The following NDUFS7 variants were observed in gnomAD, a reference collection of about 807,000 sequenced individuals.
NDUFS7 encodes NADH dehydrogenase [ubiquinone] iron-sulfur protein 7, mitochondrial.
NDUFS7 carries 11 observed loss-of-function variants against 31.1 expected under a neutral mutation model. The observed-to-expected ratio is 0.35, with a 90% confidence interval of 0.22 to 0.59. The LOEUF (loss-of-function observed/expected upper bound fraction) is 0.59. Ranked by LOEUF, NDUFS7 falls within the 20% of genes least tolerant of loss-of-function variation. NDUFS7 has a pLI of 0.79. For synonymous variants in NDUFS7, 136 were observed against 127.9 expected (o/e 1.06, Z -0.43); for missense variants, 263 against 324.2 (o/e 0.81, Z 1.45).
intron 1 of NDUFS7, 75 bp downstream of exon 1, chr19:1,384,017 G>A (rs2082491456): frequency 1.4e-6 from 2 of 1,474,422 alleles, no homozygotes; most frequent in South Asian, 2.6e-5. Flanking sequence ...TCGTGGTGGC[G>A]TCGGGGGTCG....
chr19:1,388,338 G>A lies in NDUFS7; in HGVS notation c.54-187G>A, dbSNP rs1407242037. On this transcript the variant is annotated intron_variant, in intron 2 of 7. Transcript: ENST00000233627. Reference sequence around the variant, plus strand: ...CAAAAGAAGTTCCATTCAAGTCTGGGCCATCATTGGGGGTCGGGGCGATGG... The same window carrying A: ...CAAAAGAAGTTCCATTCAAGTCTGGACCATCATTGGGGGTCGGGGCGATGG... The A allele has an allele frequency of 1.1e-4, 69 of 641,966 alleles. No individual in the cohort carries two copies. In the Admixed American group the frequency reaches 1.6e-3, roughly 14 times the overall value. The allele number at this position is 641,966 out of a possible 1,614,324, so 39.8% of individuals were successfully genotyped here.
In NDUFS7 at chr19:1,388,560, T is replaced by C. The variant is rs757187081; in HGVS notation, c.89T>C (p.Val30Ala). 1.2e-5 allele frequency: 19 copies of C among 1,611,946 alleles called. No individual in the cohort carries two copies. The highest frequency in any genetic ancestry group is 1.6e-5 in the Non-Finnish European group (19 of 1,179,892). The part of the protein sequence containing the change: ...SVGPAVQARG[V>A]HQSVATDGPS... The stretch of plus-strand genomic sequence containing the variant: ...GGCCCGGCTGTGCAGGCACGAGGTG[T>C]CCATCAGAGCGTGGCCACCGATGGC... The change falls in exon 3 of 8, where the codon GTC (valine) becomes GCC (alanine). Residue 30 changes from valine (V) to alanine (A), a missense_variant. Transcript: ENST00000233627.
chr19:1,393,460 C>G lies in NDUFS7; in HGVS notation c.544+130C>G. On this transcript the variant is annotated intron_variant, in intron 7 of 7. Coordinates refer to ENST00000233627, the MANE Select transcript of NDUFS7 (RefSeq NM_024407.5). This position sits in a 1 kb window ranked among gnomAD's most constrained non-coding sequence, Gnocchi z 7.3. ...GGGCTCCCCCATCCTATGGATGGGC[C>G]GACTCGGAGCGCTGCCTCTTAGTGG... The G allele has an allele frequency of 6.6e-6, 5 of 752,552 alleles. No individual in the cohort carries two copies. Among genetic ancestry groups the G allele is most frequent in the Admixed American group, 6.0e-5 (3 of 49,976 alleles). The allele number at this position is 752,552 out of a possible 1,614,324, so 46.6% of individuals were successfully genotyped here.
intron 7 of NDUFS7, chr19:1,394,979 C>T: frequency 1.8e-6 from 2 of 1,125,546 alleles, no homozygotes; most frequent in Non-Finnish European, 2.2e-6. Context: ...TGGGCCACCT[C>T]CCCTCCCTCC....
At position 1,393,771 on chromosome 19, in the gene NDUFS7, T is replaced by A; in HGVS notation, c.544+441T>A. 2.2e-6 allele frequency: 1 copy of A among 462,328 alleles called. No individual in the cohort carries two copies. The highest frequency in any genetic ancestry group is 4.0e-6 in the Non-Finnish European group (1 of 253,102). 28.6% of individuals were successfully genotyped at this position (462,328 alleles called of 1,614,324 possible). ...GAAAACGTGGGAGGCTTAGTTTGAC[T>A]GTGAGGTTAGGGTGAATTTGACCAT... On this transcript the variant is annotated intron_variant, in intron 7 of 7. Transcript: ENST00000233627. The surrounding 1 kb of genome is among the most constrained non-coding windows in gnomAD (Gnocchi z 7.3).
Position 1,394,698 on chromosome 19 carries a change from G to T in NDUFS7, c.545-693G>T, listed in dbSNP as rs540904988. The T allele has an allele frequency of 1.6e-4, 194 of 1,190,912 alleles. 1 individual carries two copies. The African/African-American group carries it at 3.6e-3, about 22-fold the overall frequency. 73.8% of individuals were successfully genotyped at this position (1,190,912 alleles called of 1,614,324 possible). A position where few individuals can be genotyped will look rare whatever the true frequency, so the allele number is the denominator to read the frequency against. ...CGGACTGTGCTGCTCCCTCCCTGCG[G>T]ACTGTGCTTCTCCCTCCCTTGGAGC... On this transcript the variant is annotated intron_variant, in intron 7 of 7. Transcript: ENST00000233627.
intron 6 of NDUFS7, chr19:1,392,154 ATTATTT>A: frequency 6.6e-6 from 1 of 151,760 alleles, no homozygotes; most frequent in Non-Finnish European, 1.5e-5. Context: ...GCCAATATTT[ATTATTT>A]TTATTTTTTA....
chr19:1,394,773 C>A (rs773497068), intron 7 of NDUFS7: 3 of 1,184,546 alleles, frequency 2.5e-6, no homozygotes, highest in Non-Finnish European at 3.2e-6. Context: ...CGCCCTTTCC[C>A]AGGCCCTGCA....
chr19:1,387,896 G>C (rs376648965), intron 2 of NDUFS7, 49 bp downstream of exon 2: 2 of 816,252 alleles, frequency 2.5e-6, no homozygotes, highest in East Asian at 4.8e-5. Context: ...CTTCAGCAGC[G>C]ACAGACGAAC....
chr19:1,390,482 G>T, intron 4 of NDUFS7: 1 of 304,434 alleles, frequency 3.3e-6, no homozygotes. Flanking sequence ...TGGAGGCGTC[G>T]CACTTGGTAT....
chr19:1,389,179 GCA>G (rs775303609), intron 4 of NDUFS7: 45 of 692,512 alleles, frequency 6.5e-5, no homozygotes, highest in African/African-American at 4.8e-4. Context: ...GCACACACAT[GCA>G]CACACAAGCA....
Position 1,388,488 on chromosome 19 carries a change from T to G in NDUFS7, c.54-37T>G, listed in dbSNP as rs751244049. ...TGCGGCTGGGGGAGCTGGAGGGGCC[T>G]GGGACAGCCACTGACCCGCGTTCCA... On this transcript the variant is annotated intron_variant, in intron 2 of 7. Coordinates refer to ENST00000233627, the MANE Select transcript of NDUFS7 (RefSeq NM_024407.5). The G allele has an allele frequency of 1.9e-6, 3 of 1,596,954 alleles. No homozygotes were observed. In the Admixed American group the frequency reaches 5.0e-5, roughly 27 times the overall value.
chr19:1,394,852 G>A (rs988916258), intron 7 of NDUFS7: 39 of 1,150,336 alleles, frequency 3.4e-5, no homozygotes, highest in Admixed American at 1.3e-4. Context: ...TCGTCCTCTT[G>A]CTCAAGCCCT....
At chr19:1,395,312 A>T (rs2082589065) in intron 7 of NDUFS7, 79 bp from the exon 8 acceptor site, 2 of 1,525,766 alleles carry the variant, frequency 1.3e-6, no homozygotes, top group African/African-American at 2.7e-5. Context: ...AACCCTTCCA[A>T]AGCCGAGCCG....
At chr19:1,385,725 A>C (rs1017138542) in intron 1 of NDUFS7, among the ~76,000 whole-genome samples, 2 of 152,114 alleles carry the variant, frequency 1.3e-5, no homozygotes, top group African/African-American at 4.8e-5. Context: ...AGGCTGAGGC[A>C]GGAGAATAGC....
At chr19:1,395,231 G>C (rs1012225021) in intron 7 of NDUFS7, 160 bp from the exon 8 acceptor site, 5 of 1,437,808 alleles carry the variant, frequency 3.5e-6, no homozygotes, top group African/African-American at 1.4e-5. Context: ...CCTCCCCTGC[G>C]CCGGCTCCCA....
intron 3 of NDUFS7, 92 bp downstream of exon 3, chr19:1,388,685 C>T: frequency 6.9e-7 from 1 of 1,459,526 alleles, no homozygotes. Flanking sequence ...CACTGAGGTG[C>T]ATGGATGGGG....
At chr19:1,383,968 T>G (rs1191724979) in intron 1 of NDUFS7, 26 bp downstream of exon 1, 1 of 1,557,944 alleles carries the variant, frequency 6.4e-7, no homozygotes, top group African/African-American at 1.4e-5. Context: ...GCGGCGGGTG[T>G]GGGGCCGCGC....
chr19:1,384,050 C>T, intron 1 of NDUFS7, 108 bp downstream of exon 1: 1 of 1,247,400 alleles, frequency 8.0e-7, no homozygotes, highest in South Asian at 1.6e-5. Flanking sequence ...TGGCCGCGGT[C>T]CTCTCCGGGC....
Sources: allele counts gnomAD v4.1 joint callset (sites outside exome capture counted in the v4.1 genomes callset), GRCh38; gene constraint gnomAD v4.1.1; non-coding constraint Gnocchi (gnomAD v3.1); transcripts MANE v1.5; gene names NCBI Gene and HGNC (gene_info 2026-07-23, HGNC 2026-07-21).